Variants in ERGIC2 observed in about 807,000 individuals in gnomAD.
ERGIC2 encodes endoplasmic reticulum-Golgi intermediate compartment protein 2.
A neutral mutation model predicts 52.5 loss-of-function variants in ERGIC2; 31 were observed. The ratio of observed to expected loss-of-function variants is 0.59; its 90% CI spans 0.44 to 0.80. The LOEUF (loss-of-function observed/expected upper bound fraction) is 0.80. Ranked by LOEUF, ERGIC2 falls within the 30% of genes least tolerant of loss-of-function variation. ERGIC2 has a pLI of 0.00. For synonymous variants in ERGIC2, 129 were observed against 140.6 expected, an observed-to-expected ratio of 0.92 and a Z score of 0.58; for missense variants, 395 against 455.2, an observed-to-expected ratio of 0.87 and a Z score of 1.20.
chr12:29,379,285 A>G (rs1176961170), intron 1 of ERGIC2, among the ~76,000 whole-genome samples: 1 of 152,204 alleles, frequency 6.6e-6, no homozygotes, highest in Non-Finnish European at 1.5e-5. Flanking sequence ...CTCAAAAGCA[A>G]AGAGTATGGG....
chr12:29,338,651 A>G lies in ERGIC2; in HGVS notation c.*2505T>C, dbSNP rs556056346. 6.6e-6 allele frequency: 1 copy of G among 152,246 alleles called. No homozygotes were observed. The highest frequency in any genetic ancestry group is 2.1e-4 in the South Asian group (1 of 4,826). The allele number at this position is 152,246 out of a possible 1,614,324, so 9.4% of individuals were successfully genotyped here. On this transcript the variant is annotated 3_prime_UTR_variant, in exon 14 of 14. Coordinates refer to ENST00000360150, the MANE Select transcript of ERGIC2 (RefSeq NM_016570.3). The stretch of plus-strand genomic sequence containing the variant: ...AGTGCGAGACCCCATCTCTTAAAAA[A>G]AAAAAGAGAAAGGGAATTTTGCAAT...
intron 8 of ERGIC2, among the ~76,000 whole-genome samples, chr12:29,354,307 G>A (rs1317825041): frequency 2.0e-5 from 3 of 152,126 alleles, no homozygotes; most frequent in African/African-American, 7.2e-5. Flanking sequence ...ATTACAAAGA[G>A]GTATTCCTAT....
rs908368445 is a variant in ERGIC2, at chr12:29,371,656, C to G, written c.-23G>C. ...CATCTTCAGGAAAACCTTCCTCTTC[C>G]TTCATATAGTCATGCTAAGGAATAA... On this transcript the variant is annotated 5_prime_UTR_variant, in exon 2 of 14. Transcript: ENST00000360150. 2 of 1,423,266 alleles carry G rather than the reference C, an allele frequency of 1.4e-6. No homozygotes were observed. The highest frequency in any genetic ancestry group is 2.0e-6 in the Non-Finnish European group (2 of 1,007,138). 88.2% of individuals were successfully genotyped at this position (1,423,266 alleles called of 1,614,324 possible). A position where few individuals can be genotyped will look rare whatever the true frequency, so the allele number is the denominator to read the frequency against.
intron 8 of ERGIC2, 27 bp downstream of exon 8, chr12:29,356,355 T>TG: frequency 7.7e-7 from 1 of 1,305,246 alleles, no homozygotes; most frequent in Non-Finnish European, 1.1e-6. Context: ...TTGTCTAAAG[T>TG]ATTTTCAGTA....
At chr12:29,345,683 G>A (rs1010297297) in intron 10 of ERGIC2, 143 bp from the exon 11 acceptor site, 25 of 629,860 alleles carry the variant, frequency 4.0e-5, no homozygotes, top group East Asian at 2.8e-4. Context: ...GGAGGCTGAC[G>A]AAGGAGGACT....
At chr12:29,370,039 TTC>T in intron 3 of ERGIC2, 73 bp downstream of exon 3, 2 of 1,304,772 alleles carry the variant, frequency 1.5e-6, no homozygotes, top group Non-Finnish European at 2.0e-6. Flanking sequence ...GTTAGACTTT[TTC>T]TTTTTTAAAA....
At chr12:29,353,388 T>C (rs1336138078) in intron 8 of ERGIC2, among the ~76,000 whole-genome samples, 9 of 152,186 alleles carry the variant, frequency 5.9e-5, no homozygotes, top group Non-Finnish European at 1.2e-4. Context: ...CAACAAAGTT[T>C]TTCTGAATAA....
chr12:29,372,828 G>A (rs1280721302), intron 1 of ERGIC2: 1 of 151,858 alleles, frequency 6.6e-6, no homozygotes, highest in Non-Finnish European at 1.5e-5. Flanking sequence ...GCTAATTTTT[G>A]TATTTTTTGT....
intron 12 of ERGIC2, among the ~76,000 whole-genome samples, chr12:29,342,806 GA>G (rs1319113199): frequency 6.6e-6 from 1 of 152,108 alleles, no homozygotes; most frequent in East Asian, 1.9e-4. Flanking sequence ...GAAAACCTCA[GA>G]AAAGGTAGGT....
intron 9 of ERGIC2, 126 bp downstream of exon 9, chr12:29,349,887 T>C: frequency 1.7e-6 from 1 of 601,748 alleles, no homozygotes; most frequent in Non-Finnish European, 2.9e-6. Flanking sequence ...AATTTAAAAA[T>C]TTATTTTTTC....
rs115285137 is a variant in ERGIC2 at position 29,357,928 on chromosome 12, G to A, written c.375-204C>T. On this transcript the variant is annotated intron_variant, in intron 6 of 13. Coordinates refer to ENST00000360150, the MANE Select transcript of ERGIC2 (RefSeq NM_016570.3). ...AGGGTGGCTAAGAGGTCTAATAGCTGAGCTCCATAAGCTTGTTTGATTCCA... is the reference window on the plus strand; with the variant it reads ...AGGGTGGCTAAGAGGTCTAATAGCTAAGCTCCATAAGCTTGTTTGATTCCA... Among the ~76,000 whole-genome samples the A allele has an allele frequency of 3.6e-3, 545 of 152,304 alleles. 6 individuals carry two copies. Among genetic ancestry groups the A allele is most frequent in the African/African-American group, 0.012 (485 of 41,570 alleles).
At chr12:29,349,619 T>C (rs1276827881) in intron 9 of ERGIC2, among the ~76,000 whole-genome samples, 1 of 152,178 alleles carries the variant, frequency 6.6e-6, no homozygotes, top group East Asian at 1.9e-4. Context: ...ATCCATTACT[T>C]GTTTTGTCCT....
rs546022404 is a variant in ERGIC2 at position 29,353,022 on chromosome 12, T to C, written c.573-2954A>G. ...AGGAGCCTTCTTTCTTTATAACCAA[T>C]TAACTGTCTGTTACCATTGTCAAGT... On this transcript the variant is annotated intron_variant, in intron 8 of 13. Transcript: ENST00000360150. Among the ~76,000 whole-genome samples, 4 of 152,326 alleles carry C rather than the reference T, an allele frequency of 2.6e-5. No homozygotes were observed. In the East Asian group the frequency reaches 7.7e-4, roughly 29 times the overall value.
chr12:29,379,861 T>C (rs947025474), intron 1 of ERGIC2, among the ~76,000 whole-genome samples: 6 of 151,742 alleles, frequency 4.0e-5, no homozygotes. Flanking sequence ...AAAAAAAAAA[T>C]AGCCATTTCT....
intron 10 of ERGIC2, among the ~76,000 whole-genome samples, chr12:29,346,998 G>A (rs1591988417): frequency 6.6e-6 from 1 of 152,188 alleles, no homozygotes; most frequent in African/African-American, 2.4e-5. Context: ...AAGTGGCAGA[G>A]TGAGAACTTG....
intron 8 of ERGIC2, among the ~76,000 whole-genome samples, chr12:29,355,408 T>C (rs1940189100): frequency 6.6e-6 from 1 of 152,184 alleles, no homozygotes; most frequent in Admixed American, 6.5e-5. Flanking sequence ...TCACTGTTTA[T>C]CCTTAGTTTC....
chr12:29,366,821 C>G, intron 5 of ERGIC2, 56 bp downstream of exon 5: 2 of 1,037,168 alleles, frequency 1.9e-6, no homozygotes, highest in South Asian at 3.0e-5. Flanking sequence ...TATCTGTCTT[C>G]AAGCGTACGA....
Position 29,366,927 on chromosome 12 carries a change from C to G in ERGIC2, c.283G>C (p.Asp95His), listed in dbSNP as rs1189220700. 2 of 1,599,968 alleles carry G rather than the reference C, an allele frequency of 1.3e-6. No individual in the cohort carries two copies. The highest frequency in any genetic ancestry group is 1.7e-6 in the Non-Finnish European group (2 of 1,172,394). Residue 95 changes from aspartate (D) to histidine (H), a missense_variant, in exon 5 of 14, where the codon GAT (aspartate) becomes CAT (histidine). Asp to His is a moderately conservative substitution (Grantham distance 81). Transcript: ENST00000360150. ...KCQYVGADVL[D>H]LAETMVASAD... The stretch of plus-strand genomic sequence containing the variant: ...GATGCAACCATTGTTTCTGCTAAAT[C>G]CAATACATCCGCTCCAACATCTGCA...
In ERGIC2 at chr12:29,361,676, C is replaced by T. The variant is rs373295422; in HGVS notation, c.343G>A (p.Asp115Asn). Reference protein sequence around the residue: ...DGLVYEPTVFDLSPQQKEWQR... With the variant: ...DGLVYEPTVFNLSPQQKEWQR... ...CACTCTTTCTGCTGTGGTGAAAGAT[C>T]AAATACTGTCTGAAATGAAAGAAAA... Residue 115 changes from aspartate to asparagine, a missense_variant, in exon 6 of 14, where the codon GAT (aspartate) becomes AAT (asparagine). By Grantham distance (23) the Asp-to-Asn change is conservative (BLOSUM62 1). Coordinates refer to ENST00000360150, the MANE Select transcript of ERGIC2 (RefSeq NM_016570.3). 3 of 1,603,214 alleles carry T rather than the reference C, an allele frequency of 1.9e-6. No individual in the cohort carries two copies. Among genetic ancestry groups the T allele is most frequent in the Non-Finnish European group, 2.6e-6 (3 of 1,174,642 alleles).
Sources: allele counts gnomAD v4.1 joint callset (sites outside exome capture counted in the v4.1 genomes callset), GRCh38; gene constraint gnomAD v4.1.1; transcripts MANE v1.5; gene names NCBI Gene and HGNC (gene_info 2026-07-23, HGNC 2026-07-21).